Variants in COP1 observed in about 807,000 individuals in gnomAD.
COP1 encodes COP1 E3 ubiquitin ligase, also known as E3 ubiquitin-protein ligase COP1.
Under a neutral mutation model 101.3 loss-of-function variants are expected in COP1, and 24 were observed. The ratio of observed to expected loss-of-function variants is 0.24; its 90% confidence interval spans 0.17 to 0.33. The LOEUF is 0.33. Ranked by LOEUF, COP1 falls within the 10% of genes least tolerant of loss-of-function variation. The pLI, the probability that COP1 is intolerant of heterozygous loss-of-function variation, is 1.00. For synonymous variants in COP1, 347 were observed against 341.9 expected (o/e 1.01, Z -0.17); for missense variants, 663 against 906.2 (o/e 0.73, Z 3.45).
At chr1:175,958,328 A>G (rs1377766903) in intron 18 of COP1, among the ~76,000 whole-genome samples, 2 of 152,046 alleles carry the variant, frequency 1.3e-5, no homozygotes, top group Non-Finnish European at 2.9e-5. Flanking sequence ...AACATAATAT[A>G]TAAACCCCTT....
At chr1:175,989,866 C>T (rs887045479) in intron 15 of COP1, among the ~76,000 whole-genome samples, 9 of 152,104 alleles carry the variant, frequency 5.9e-5, no homozygotes, top group African/African-American at 1.9e-4. Flanking sequence ...TGCAATTCAA[C>T]GATCTTTACT....
At chr1:176,175,843 A>G in intron 3 of COP1, 67 bp downstream of exon 3, 1 of 866,900 alleles carries the variant, frequency 1.2e-6, no homozygotes, top group African/African-American at 1.7e-5. Flanking sequence ...TTCTGAATAA[A>G]TTAGCGCTAG....
intron 5 of COP1, among the ~76,000 whole-genome samples, chr1:176,154,666 G>A (rs918669739): frequency 2.6e-5 from 4 of 151,998 alleles, no homozygotes; most frequent in East Asian, 1.9e-4. Context: ...AAAGGATCAC[G>A]AAAAATAACT....
intron 8 of COP1, among the ~76,000 whole-genome samples, chr1:176,119,933 G>C (rs1686831277): frequency 6.6e-6 from 1 of 152,018 alleles, no homozygotes; most frequent in African/African-American, 2.4e-5. Context: ...AACAACACTG[G>C]GAAATAGCAG....
chr1:176,037,705 C>T (rs556909376), intron 14 of COP1, among the ~76,000 whole-genome samples: 148 of 152,142 alleles, frequency 9.7e-4, no homozygotes, highest in African/African-American at 3.3e-3. Context: ...CATGATGATA[C>T]GTGCATAAAA....
rs185420392 is a variant in COP1, at chr1:176,186,342, C to T, written c.408-1650G>A. On this transcript the variant is annotated intron_variant, in intron 1 of 19. Transcript: ENST00000367669. ...GCAATATACTGAGACCTCATCTCTA[C>T]AAAAAAAAAATTAAAAAAAAAAACA... 6.2e-3 allele frequency among the ~76,000 whole-genome samples: 880 copies of T among 141,004 alleles called. 12 individuals carry two copies. Among genetic ancestry groups the T allele is most frequent in the African/African-American group, 0.022 (843 of 38,220 alleles). The allele number at this position is 141,004 out of a possible 152,430, so 92.5% of individuals were successfully genotyped here.
intron 8 of COP1, among the ~76,000 whole-genome samples, chr1:176,126,731 C>A (rs545982595): frequency 6.6e-6 from 1 of 152,274 alleles, no homozygotes; most frequent in African/African-American, 2.4e-5. Context: ...GGGTTACAGG[C>A]ATGAGCCACT....
intron 3 of COP1, among the ~76,000 whole-genome samples, chr1:176,175,628 C>A (rs189411018): frequency 2.6e-5 from 4 of 152,280 alleles, no homozygotes; most frequent in Admixed American, 2.6e-4. Flanking sequence ...CTGTGCAGCC[C>A]AGTTCCTAAT....
chr1:176,188,097 T>C (rs925174356), intron 1 of COP1, among the ~76,000 whole-genome samples: 3 of 152,060 alleles, frequency 2.0e-5, no homozygotes, highest in Non-Finnish European at 4.4e-5. Context: ...AACCTCCCCA[T>C]GTTTGTGGAG....
chr1:176,033,427 C>T (rs1216559268), intron 14 of COP1, among the ~76,000 whole-genome samples: 1 of 151,610 alleles, frequency 6.6e-6, no homozygotes, highest in African/African-American at 2.4e-5. Flanking sequence ...AACTCTGTCT[C>T]AAAATAATAA....
intron 5 of COP1, chr1:176,160,153 A>C: frequency 4.3e-6 from 1 of 230,888 alleles, no homozygotes; most frequent in Admixed American, 5.3e-5. Flanking sequence ...GCCAAAAAGG[A>C]AACAAAGACT....
intron 15 of COP1, among the ~76,000 whole-genome samples, chr1:176,022,645 G>T (rs2149034365): frequency 6.6e-6 from 1 of 152,236 alleles, no homozygotes; most frequent in Middle Eastern, 3.4e-3. Context: ...TTGTATTAAA[G>T]GAATGTTTCA....
rs1359102434 is a variant in COP1 at position 176,206,839 on chromosome 1, A to G, written c.140T>C (p.Leu47Pro). The change falls in exon 1 of 20, where the codon CTG becomes CCG. Residue 47 changes from leucine to proline, a missense_variant. Leu to Pro is a moderately conservative substitution (Grantham distance 98). Transcript: ENST00000367669. ...PPSVAVSAAA[L>P]VSGGVAQAAG... The stretch of plus-strand genomic sequence containing the variant: ...GGCCTGGGCCACCCCGCCGGACACC[A>G]GCGCTGCCGCCGAAACCGCCACGGA... 1.4e-6 allele frequency: 2 copies of G among 1,424,054 alleles called. No individual in the cohort carries two copies. Among genetic ancestry groups the G allele is most frequent in the Non-Finnish European group, 9.1e-7 (1 of 1,094,438 alleles). The allele number at this position is 1,424,054 out of a possible 1,614,324, so 88.2% of individuals were successfully genotyped here.
At chr1:176,184,474 A>G (rs1167633917) in intron 2 of COP1, among the ~76,000 whole-genome samples, 159 bp downstream of exon 2, 1 of 152,208 alleles carries the variant, frequency 6.6e-6, no homozygotes, top group East Asian at 1.9e-4. Context: ...CATTATGTTA[A>G]CAGCCTTAAA....
chr1:176,113,959 T>TC (rs985873467), intron 9 of COP1, among the ~76,000 whole-genome samples: 3 of 151,268 alleles, frequency 2.0e-5, no homozygotes, highest in Non-Finnish European at 4.4e-5. Flanking sequence ...TTTTTTTTTT[T>TC]TATAGTTTGC....
intron 8 of COP1, among the ~76,000 whole-genome samples, chr1:176,126,395 T>C (rs950381806): frequency 6.6e-6 from 1 of 152,206 alleles, no homozygotes; most frequent in African/African-American, 2.4e-5. Flanking sequence ...GTTCCTTCTA[T>C]AACCAGTTCA....
At position 176,145,063 on chromosome 1, in the gene COP1, T is replaced by C. The variant is rs181463293; in HGVS notation, c.831+3943A>G. 2.1e-3 allele frequency among the ~76,000 whole-genome samples: 320 copies of C among 152,118 alleles called. 1 individual carries two copies. The highest frequency in any genetic ancestry group is 7.3e-3 in the African/African-American group (303 of 41,516). ...TCATCAAATGACACCATTAAGATAA[T>C]GAAAAGAATGCAACCCAATTAGAGG... On this transcript the variant is annotated intron_variant, in intron 6 of 19. Transcript: ENST00000367669.
intron 15 of COP1, among the ~76,000 whole-genome samples, chr1:176,016,149 G>GT (rs376416328): frequency 8.6e-5 from 13 of 152,044 alleles, no homozygotes; most frequent in Non-Finnish European, 1.5e-4. Context: ...AATGTCTGGA[G>GT]TTTTTTTTAG....
Position 175,953,053 on chromosome 1 carries a change from G to A in COP1, c.2134-5814C>T, listed in dbSNP as rs191391175. ...AGGAAAAATAATAACAGTGCTTTAA[G>A]GTGATTATAACACAAACACAAGTAA... On this transcript the variant is annotated intron_variant, in intron 18 of 19. Transcript: ENST00000367669. 1.3e-3 allele frequency among the ~76,000 whole-genome samples: 200 copies of A among 152,126 alleles called. 1 individual carries two copies. Among genetic ancestry groups the A allele is most frequent in the African/African-American group, 4.7e-3 (195 of 41,474 alleles).
Sources: allele counts gnomAD v4.1 joint callset (sites outside exome capture counted in the v4.1 genomes callset), GRCh38; gene constraint gnomAD v4.1.1; transcripts MANE v1.5; gene names NCBI Gene and HGNC (gene_info 2026-07-23, HGNC 2026-07-21).